Variants in P2RY8 observed in about 807,000 individuals in gnomAD.
P2RY8 encodes the protein S-geranylgeranyl-glutathione receptor P2RY8.
In P2RY8, 6 loss-of-function variants were observed where a neutral mutation model predicts 10.0. The observed-to-expected ratio is 0.60, with a 90% confidence interval of 0.33 to 1.19. P2RY8 has a LOEUF of 1.19. P2RY8 is among the 50% of genes most tolerant of loss of function. The pLI is 0.04. For missense variants in P2RY8, 456 were observed against 542.0 expected, an observed-to-expected ratio of 0.84 and a Z score of 1.58; for synonymous variants, 276 against 252.5, an observed-to-expected ratio of 1.09 and a Z score of -0.88.
chrX:1,474,878 G>A (rs1170291092), intron 1 of P2RY8, among the ~76,000 whole-genome samples: 4 of 133,142 alleles, frequency 3.0e-5, no homozygotes, highest in Non-Finnish European at 6.4e-5. Context: ...GTATGGGTGT[G>A]TGGATGGATG....
At chrX:1,499,951 C>T (rs1324435299) in intron 1 of P2RY8, among the ~76,000 whole-genome samples, 6 of 147,532 alleles carry the variant, frequency 4.1e-5, no homozygotes, top group African/African-American at 1.2e-4. Context: ...CTCCGCCTCC[C>T]GGGTTCCCGC....
intron 1 of P2RY8, among the ~76,000 whole-genome samples, chrX:1,500,981 C>T (rs750413528): frequency 9.6e-4 from 146 of 152,262 alleles, no homozygotes; most frequent in African/African-American, 3.2e-3. Flanking sequence ...CAGCTGGGGC[C>T]GCCTGTCTGG....
chrX:1,467,139 G>C (rs2091696712), intron 1 of P2RY8, among the ~76,000 whole-genome samples: 1 of 152,084 alleles, frequency 6.6e-6, no homozygotes, highest in African/African-American at 2.4e-5. Flanking sequence ...CTGGGTATGA[G>C]TCCTCTCATC....
chrX:1,513,426 A>G (rs1296537660), intron 1 of P2RY8, among the ~76,000 whole-genome samples: 5 of 151,902 alleles, frequency 3.3e-5, no homozygotes, highest in Admixed American at 6.6e-5. Context: ...CTAGGGGAGG[A>G]TCCCTCCTGC....
intron 1 of P2RY8, among the ~76,000 whole-genome samples, chrX:1,506,824 C>G (rs1569537959): frequency 6.6e-6 from 1 of 151,846 alleles, no homozygotes; most frequent in Non-Finnish European, 1.5e-5. Flanking sequence ...ATTACAGGCA[C>G]CCGCCACCAC....
At chrX:1,505,726 G>A (rs1472765095) in intron 1 of P2RY8, among the ~76,000 whole-genome samples, 1 of 151,960 alleles carries the variant, frequency 6.6e-6, no homozygotes. Flanking sequence ...GGAGGCGGAG[G>A]TTGCAGTGAG....
intron 1 of P2RY8, among the ~76,000 whole-genome samples, chrX:1,478,454 C>G (rs766510742): frequency 6.6e-6 from 1 of 151,882 alleles, no homozygotes; most frequent in South Asian, 2.1e-4. Context: ...ATATGGGAAG[C>G]TGAAGTGGCA....
chrX:1,472,812 T>A (rs1263714093), intron 1 of P2RY8, among the ~76,000 whole-genome samples: 15 of 148,534 alleles, frequency 1.0e-4, no homozygotes, highest in Admixed American at 5.4e-4. Context: ...GGTAGATGGA[T>A]GGGTGGATGT....
intron 1 of P2RY8, among the ~76,000 whole-genome samples, chrX:1,467,750 C>A (rs1196934724): frequency 1.3e-5 from 2 of 152,218 alleles, no homozygotes; most frequent in Non-Finnish European, 2.9e-5. Context: ...AAACGTAACT[C>A]ACTGCAGCCT....
chrX:1,527,650 T>C (rs1447616636), intron 1 of P2RY8, among the ~76,000 whole-genome samples: 2 of 151,988 alleles, frequency 1.3e-5, no homozygotes, highest in Non-Finnish European at 2.9e-5. Context: ...ATCCATCCAA[T>C]CATCCCTTCA....
intron 1 of P2RY8, among the ~76,000 whole-genome samples, chrX:1,482,806 A>G (rs2149385541): frequency 6.6e-6 from 1 of 152,068 alleles, no homozygotes; most frequent in Non-Finnish European, 1.5e-5. Context: ...ACATGGATGA[A>G]GCTCGAAACC....
intron 1 of P2RY8, among the ~76,000 whole-genome samples, chrX:1,476,392 C>A (rs1396876033): frequency 1.2e-4 from 18 of 151,322 alleles, no homozygotes; most frequent in Admixed American, 1.1e-3. Context: ...CTGGCTAACA[C>A]GGTGAAACCC....
chrX:1,524,785 T>TCCATC (rs2092427265), intron 1 of P2RY8, among the ~76,000 whole-genome samples: 2 of 38,368 alleles, frequency 5.2e-5, no homozygotes, highest in Non-Finnish European at 5.3e-5. Context: ...ATCCATCCAC[T>TCCATC]CATCCATTCA....
At chrX:1,533,738 T>C (rs2092500470) in intron 1 of P2RY8, among the ~76,000 whole-genome samples, 1 of 124,850 alleles carries the variant, frequency 8.0e-6, no homozygotes. Flanking sequence ...ATATTATTCA[T>C]ATATTATTTA....
intron 1 of P2RY8, among the ~76,000 whole-genome samples, chrX:1,518,772 C>A (rs1372338359): frequency 1.3e-5 from 2 of 152,054 alleles, no homozygotes; most frequent in Non-Finnish European, 2.9e-5. Flanking sequence ...AATAATCTTT[C>A]CAGTCTCCAG....
In P2RY8 at chrX:1,466,129, A is replaced by G; in HGVS notation, c.430T>C (p.Cys144Arg). The G allele has an allele frequency of 6.2e-7, 1 of 1,611,770 alleles. No homozygotes were observed. Among genetic ancestry groups the G allele is most frequent in the Non-Finnish European group, 8.5e-7 (1 of 1,179,430 alleles). ...AGGAGCAGCAGCCAGGTCCCTGCAC[A>G]CGCGGCCACCGCGTAACGACGGCGG... ...WRRRRYAVAA[C>R]AGTWLLLLTA... The change falls in exon 2 of 2, where the codon TGT becomes CGT. Residue 144 changes from cysteine to arginine, a missense_variant. Transcript: ENST00000381297.
Position 1,493,090 on chromosome X carries a change from A to G in P2RY8, c.-24-26508T>C, listed in dbSNP as rs749443210. ...ATCATGAGGTCGGGAGTTCGAGATCAGCCTGGTCAACATAGTGAGACCCCA... is the reference window on the plus strand; with the variant it reads ...ATCATGAGGTCGGGAGTTCGAGATCGGCCTGGTCAACATAGTGAGACCCCA... On this transcript the variant is annotated intron_variant, in intron 1 of 1. Transcript: ENST00000381297. Among the ~76,000 whole-genome samples, 785 of 151,342 alleles carry G rather than the reference A, an allele frequency of 5.2e-3. 2 individuals are homozygous for G. Among genetic ancestry groups the G allele is most frequent in the Non-Finnish European group, 7.3e-3 (494 of 67,884 alleles).
intron 1 of P2RY8, among the ~76,000 whole-genome samples, chrX:1,530,157 GATC>G (rs1360117180): frequency 0.013 from 550 of 42,398 alleles, 6 homozygotes; most frequent in African/African-American, 0.025. Context: ...ATGTATGTAT[GATC>G]TATCTATCTA....
At chrX:1,530,184 C>G (rs1307308225) in intron 1 of P2RY8, among the ~76,000 whole-genome samples, 11,026 of 142,398 alleles carry the variant, frequency 0.077, 538 homozygotes, top group Non-Finnish European at 0.094. Flanking sequence ...ATCTATCTAT[C>G]TATCTATCTA....
Sources: allele counts gnomAD v4.1 joint callset (sites outside exome capture counted in the v4.1 genomes callset), GRCh38; gene constraint gnomAD v4.1.1; transcripts MANE v1.5; gene names NCBI Gene and HGNC (gene_info 2026-07-23, HGNC 2026-07-21).